Variants in SPOCK3 observed in about 807,000 individuals in gnomAD.
SPOCK3 encodes the protein SPARC (osteonectin), cwcv and kazal like domains proteoglycan 3.
SPOCK3 carries 30 observed loss-of-function variants against 56.6 expected under a neutral mutation model. The observed-to-expected ratio is 0.53, with a 90% CI of 0.40 to 0.72. SPOCK3 has a LOEUF of 0.72. SPOCK3 is among the 30% of genes least tolerant of loss of function. The pLI is 0.00. For synonymous variants in SPOCK3, 196 were observed against 183.3 expected (o/e 1.07, Z -0.56); for missense variants, 527 against 530.0 (o/e 0.99, Z 0.06).
intron 2 of SPOCK3, among the ~76,000 whole-genome samples, chr4:167,213,844 C>T (rs550687439): frequency 6.6e-6 from 1 of 151,754 alleles, no homozygotes; most frequent in Admixed American, 6.6e-5. Context: ...GATCACAATA[C>T]CAATAAGCAG....
intron 3 of SPOCK3, among the ~76,000 whole-genome samples, chr4:167,027,367 G>A (rs1273128961): frequency 3.3e-5 from 5 of 152,016 alleles, no homozygotes; most frequent in Non-Finnish European, 5.9e-5. Context: ...CAACCTCATC[G>A]TACCTGATAT....
chr4:166,939,710 GTCACCTCGGTCTTGCTAA>G (rs1740834053), intron 4 of SPOCK3, among the ~76,000 whole-genome samples: 1 of 152,164 alleles, frequency 6.6e-6, no homozygotes, highest in Admixed American at 6.5e-5. Context: ...ATCTTATCTA[GTCACCTCGGTCTTGCTAA>G]AATAGTTCGA....
At chr4:166,886,839 T>C (rs1734248022) in intron 6 of SPOCK3, among the ~76,000 whole-genome samples, 2 of 152,172 alleles carry the variant, frequency 1.3e-5, no homozygotes, top group South Asian at 4.1e-4. Flanking sequence ...TTAGAAATGA[T>C]ACTAAACTCA....
At chr4:167,234,417 G>A (rs1333294112) in intron 1 of SPOCK3, 33 bp downstream of exon 1, 28 of 575,934 alleles carry the variant, frequency 4.9e-5, no homozygotes, top group South Asian at 6.4e-5. Flanking sequence ...GCAGCAGCCC[G>A]AGCGGGCACA....
rs183481916 is a variant in SPOCK3, at chr4:166,831,549, G to A, written c.590-39260C>T. Among the ~76,000 whole-genome samples, 71 of 151,852 alleles carry A rather than the reference G, an allele frequency of 4.7e-4. 1 individual carries two copies. Among genetic ancestry groups the A allele is most frequent in the African/African-American group, 1.6e-3 (67 of 41,460 alleles). Reference sequence around the variant, plus strand: ...GTTATCTATGCTTTTTAAATTATTTGTCTATTTCATTTAACATATCAAATT... The same window carrying A: ...GTTATCTATGCTTTTTAAATTATTTATCTATTTCATTTAACATATCAAATT... On this transcript the variant is annotated intron_variant, in intron 6 of 10. Transcript: ENST00000357545.
intron 2 of SPOCK3, among the ~76,000 whole-genome samples, chr4:167,141,029 T>C (rs1005648085): frequency 6.6e-6 from 1 of 151,936 alleles, no homozygotes; most frequent in African/African-American, 2.4e-5. Flanking sequence ...AAAATTCTCT[T>C]GGCCCCTGCA....
chr4:167,006,135 T>C lies in SPOCK3; in HGVS notation c.236-5672A>G, dbSNP rs181710209. Among the ~76,000 whole-genome samples, 10 of 152,296 alleles carry C rather than the reference T, an allele frequency of 6.6e-5. No individual in the cohort carries two copies. The East Asian group carries it at 1.9e-3, about 29-fold the overall frequency. On this transcript the variant is annotated intron_variant, in intron 3 of 10. Transcript: ENST00000357545. ...TTTTTGTTTATGTGTAAAATATCCTTAAAACCATTTTCTGAAACATGTTAG... is the reference window on the plus strand; with the variant it reads ...TTTTTGTTTATGTGTAAAATATCCTCAAAACCATTTTCTGAAACATGTTAG...
intron 4 of SPOCK3, among the ~76,000 whole-genome samples, chr4:166,995,482 C>T (rs1023991769): frequency 1.3e-5 from 2 of 151,882 alleles, no homozygotes; most frequent in Non-Finnish European, 2.9e-5. Flanking sequence ...TGTTCATATA[C>T]ATAAAATTGA....
intron 6 of SPOCK3, among the ~76,000 whole-genome samples, chr4:166,850,640 C>T (rs989323065): frequency 3.9e-5 from 6 of 152,228 alleles, no homozygotes; most frequent in African/African-American, 1.4e-4. Context: ...CAGGGCGAGG[C>T]ATTGCCTCAC....
chr4:166,764,172 C>T (rs1737631461), intron 7 of SPOCK3, among the ~76,000 whole-genome samples: 1 of 151,950 alleles, frequency 6.6e-6, no homozygotes, highest in Non-Finnish European at 1.5e-5. Context: ...ATTTCTTTTT[C>T]AATACAGGGG....
chr4:166,751,449 T>C (rs1292836957), intron 8 of SPOCK3, among the ~76,000 whole-genome samples: 1 of 152,198 alleles, frequency 6.6e-6, no homozygotes, highest in African/African-American at 2.4e-5. Context: ...GCATTTTATA[T>C]ATAATTACTT....
chr4:167,207,862 A>C (rs2111004379), intron 2 of SPOCK3, among the ~76,000 whole-genome samples: 1 of 152,190 alleles, frequency 6.6e-6, no homozygotes, highest in East Asian at 1.9e-4. Context: ...CCTAAAACTT[A>C]AAGTATAATA....
chr4:166,983,311 T>A (rs1440390363), intron 4 of SPOCK3, among the ~76,000 whole-genome samples: 1 of 152,100 alleles, frequency 6.6e-6, no homozygotes, highest in Non-Finnish European at 1.5e-5. Context: ...TATATTTATA[T>A]TTAAATGAAT....
intron 2 of SPOCK3, chr4:167,119,779 A>G: frequency 6.6e-7 from 1 of 1,522,008 alleles, no homozygotes; most frequent in Non-Finnish European, 8.8e-7. Context: ...ACATATATTT[A>G]ACAATTTTCA....
chr4:166,772,860 G>A (rs1345888137), intron 7 of SPOCK3, among the ~76,000 whole-genome samples: 1 of 152,052 alleles, frequency 6.6e-6, no homozygotes, highest in Non-Finnish European at 1.5e-5. Flanking sequence ...GTGTAATCAT[G>A]GCTCATTGCA....
intron 6 of SPOCK3, among the ~76,000 whole-genome samples, chr4:166,880,200 T>C (rs1221558979): frequency 6.6e-6 from 1 of 152,220 alleles, no homozygotes; most frequent in East Asian, 1.9e-4. Flanking sequence ...TAGTTACTAC[T>C]GATATTCTAA....
intron 2 of SPOCK3, among the ~76,000 whole-genome samples, chr4:167,084,600 C>T (rs537673650): frequency 1.3e-5 from 2 of 152,100 alleles, no homozygotes; most frequent in East Asian, 1.9e-4. Context: ...GTACTGCCTT[C>T]GGTCTTGAAA....
chr4:166,878,840 C>T (rs1337511522), intron 6 of SPOCK3, among the ~76,000 whole-genome samples: 1 of 152,030 alleles, frequency 6.6e-6, no homozygotes, highest in East Asian at 1.9e-4. Flanking sequence ...TTAACTTATC[C>T]GTGGCTCAGG....
At chr4:166,975,706 A>G (rs1008463216) in intron 4 of SPOCK3, among the ~76,000 whole-genome samples, 1 of 151,922 alleles carries the variant, frequency 6.6e-6, no homozygotes, top group Non-Finnish European at 1.5e-5. Context: ...TCTACTCTCT[A>G]TCTCTATGAG....
Sources: allele counts gnomAD v4.1 joint callset (sites outside exome capture counted in the v4.1 genomes callset), GRCh38; gene constraint gnomAD v4.1.1; transcripts MANE v1.5; gene names NCBI Gene and HGNC (gene_info 2026-07-23, HGNC 2026-07-21).